KCNIP4: variants seen among roughly 807,000 people sequenced by gnomAD.
KCNIP4 encodes the protein Kv channel-interacting protein 4.
Under a neutral mutation model 34.0 loss-of-function variants are expected in KCNIP4, and 12 were observed. That is an observed-to-expected ratio of 0.35 (90% CI 0.23 to 0.57). The LOEUF is 0.57. Among genes scored for constraint, KCNIP4 ranks in the 20% least tolerant of loss-of-function variants. The probability of loss-of-function intolerance (pLI) is 0.83; values close to 1 mark genes in which losing one functional copy is unlikely to be tolerated. For missense variants in KCNIP4, 238 were observed against 311.7 expected, an observed-to-expected ratio of 0.76 and a Z score of 1.78; for synonymous variants, 124 against 102.2, an observed-to-expected ratio of 1.21 and a Z score of -1.29.
chr4:21,185,928 C>G (rs766651198), intron 1 of KCNIP4, among the ~76,000 whole-genome samples: 2 of 152,184 alleles, frequency 1.3e-5, no homozygotes, highest in Non-Finnish European at 2.9e-5. Context: ...TTTCTGACCC[C>G]TTAACTACAG....
intron 1 of KCNIP4, among the ~76,000 whole-genome samples, chr4:21,169,248 GCTCAAGTGATCCTCCTGC>G (rs1753837423): frequency 6.6e-6 from 1 of 152,058 alleles, no homozygotes; most frequent in Non-Finnish European, 1.5e-5. Flanking sequence ...GACCTCCTGG[GCTCAAGTGATCCTCCTGC>G]CTCAGCCTCC....
intron 1 of KCNIP4, among the ~76,000 whole-genome samples, chr4:21,434,051 C>G (rs969467413): frequency 6.6e-6 from 1 of 152,140 alleles, no homozygotes; most frequent in South Asian, 2.1e-4. Flanking sequence ...ATTCCAGGCT[C>G]TCAGCTCAGA....
intron 1 of KCNIP4, among the ~76,000 whole-genome samples, chr4:21,330,307 T>TA (rs1357237823): frequency 8.5e-5 from 13 of 152,186 alleles, no homozygotes; most frequent in African/African-American, 3.1e-4. Flanking sequence ...ATGTATATGA[T>TA]ACAAAAACAT....
intron 1 of KCNIP4, among the ~76,000 whole-genome samples, chr4:21,754,142 T>C (rs1180061387): frequency 6.6e-6 from 1 of 152,226 alleles, no homozygotes; most frequent in Non-Finnish European, 1.5e-5. Flanking sequence ...ACCTTCAATT[T>C]GGTTTTCTGT....
At chr4:20,854,375 T>C (rs1267270815) in intron 2 of KCNIP4, among the ~76,000 whole-genome samples, 1 of 152,122 alleles carries the variant, frequency 6.6e-6, no homozygotes, top group Non-Finnish European at 1.5e-5. Flanking sequence ...TTATTCTAAG[T>C]GATGTAACTC....
chr4:21,000,690 A>G (rs1045080137), intron 1 of KCNIP4, among the ~76,000 whole-genome samples: 24 of 152,068 alleles, frequency 1.6e-4, no homozygotes, highest in Admixed American at 1.4e-3. Context: ...CGTCTCAAAG[A>G]AGAAAAAAAA....
chr4:21,355,321 T>C (rs1390494612), intron 1 of KCNIP4, among the ~76,000 whole-genome samples: 2 of 151,652 alleles, frequency 1.3e-5, no homozygotes, highest in African/African-American at 2.4e-5. Context: ...CTGAAGGAAA[T>C]AGAGACACAA....
intron 1 of KCNIP4, among the ~76,000 whole-genome samples, chr4:21,341,904 A>G (rs1024572088): frequency 5.9e-5 from 9 of 152,154 alleles, no homozygotes; most frequent in African/African-American, 2.2e-4. Flanking sequence ...CTGACTTGTT[A>G]CTTCAAACTG....
chr4:20,913,126 C>A (rs1454090301), intron 1 of KCNIP4, among the ~76,000 whole-genome samples: 3 of 152,060 alleles, frequency 2.0e-5, no homozygotes, highest in Middle Eastern at 3.4e-3. Context: ...GTGGAAACAA[C>A]CACAATGTCC....
At chr4:20,833,384 C>A (rs1718657059) in intron 3 of KCNIP4, among the ~76,000 whole-genome samples, 1 of 152,102 alleles carries the variant, frequency 6.6e-6, no homozygotes, top group Non-Finnish European at 1.5e-5. Flanking sequence ...ACTCAGGAGG[C>A]TGAGGCAGGA....
Position 20,729,452 on chromosome 4 carries a change from G to T in KCNIP4, c.*630C>A, listed in dbSNP as rs1318893935. On this transcript the variant is annotated 3_prime_UTR_variant, in exon 9 of 9. Coordinates refer to ENST00000382152, the MANE Select transcript of KCNIP4 (RefSeq NM_025221.6). ...TTAAAATAAGTTTTATTAGGCATAT[G>T]CTGATATCTGATAATAAACTAATTT... 2 of 133,282 alleles carry T rather than the reference G, an allele frequency of 1.5e-5. No homozygotes were observed. Among genetic ancestry groups the T allele is most frequent in the African/African-American group, 5.5e-5 (2 of 36,636 alleles). The allele number at this position is 133,282 out of a possible 1,614,324, so 8.3% of individuals were successfully genotyped here.
chr4:21,125,798 A>T (rs1750566395), intron 1 of KCNIP4, among the ~76,000 whole-genome samples: 1 of 152,160 alleles, frequency 6.6e-6, no homozygotes, highest in Non-Finnish European at 1.5e-5. Flanking sequence ...AGGGTGAAGT[A>T]AAAAGGGTCA....
intron 1 of KCNIP4, among the ~76,000 whole-genome samples, chr4:21,797,236 C>T (rs763553558): frequency 1.3e-5 from 2 of 152,184 alleles, no homozygotes; most frequent in Admixed American, 6.5e-5. Flanking sequence ...CAGCTTCACG[C>T]GTCTACGCAC....
At chr4:21,441,142 T>C (rs1413082494) in intron 1 of KCNIP4, among the ~76,000 whole-genome samples, 3 of 151,428 alleles carry the variant, frequency 2.0e-5, no homozygotes, top group African/African-American at 7.3e-5. Flanking sequence ...CCTTTCTTTT[T>C]TTTTTTTTTT....
intron 1 of KCNIP4, among the ~76,000 whole-genome samples, chr4:21,487,942 T>C (rs770201015): frequency 2.6e-5 from 4 of 152,126 alleles, no homozygotes; most frequent in Non-Finnish European, 5.9e-5. Flanking sequence ...TCTGCCCTAG[T>C]TCTAGAATCA....
In KCNIP4 at chr4:21,634,537, C is replaced by G. The variant is rs1447019795; in HGVS notation, c.61+314034G>C. On this transcript the variant is annotated intron_variant, in intron 1 of 8. Coordinates refer to ENST00000382152, the MANE Select transcript of KCNIP4 (RefSeq NM_025221.6). Reference sequence around the variant, plus strand: ...ACCTAGGGAAGGAAAGTGACTACCTCAAGGCCACAGTGAACATGATAAAGA... The same window carrying G: ...ACCTAGGGAAGGAAAGTGACTACCTGAAGGCCACAGTGAACATGATAAAGA... Among the ~76,000 whole-genome samples, 3 of 152,048 alleles carry G rather than the reference C, an allele frequency of 2.0e-5. No individual in the cohort carries two copies. In the East Asian group the frequency reaches 5.8e-4, roughly 29 times the overall value.
chr4:21,289,010 T>C, intron 1 of KCNIP4, among the ~76,000 whole-genome samples: 1 of 152,206 alleles, frequency 6.6e-6, no homozygotes, highest in East Asian at 1.9e-4. Flanking sequence ...ATAACTATTA[T>C]TGACTGGGTT....
intron 1 of KCNIP4, among the ~76,000 whole-genome samples, chr4:21,277,135 A>G (rs1340524952): frequency 1.3e-5 from 2 of 152,194 alleles, no homozygotes; most frequent in Non-Finnish European, 2.9e-5. Context: ...ACTGGCAAAT[A>G]ATAGGAAATC....
chr4:21,006,732 A>G (rs919848636), intron 1 of KCNIP4, among the ~76,000 whole-genome samples: 1 of 152,094 alleles, frequency 6.6e-6, no homozygotes, highest in African/African-American at 2.4e-5. Flanking sequence ...GGGGCAGGGA[A>G]TGGGTAAGTG....
Sources: gnomAD v4.1 joint callset for allele counts (sites outside exome capture counted in the v4.1 genomes callset) on GRCh38, gnomAD v4.1.1 for gene constraint, MANE v1.5 for transcripts, NCBI Gene and HGNC (gene_info 2026-07-23, HGNC 2026-07-21) for gene names.